Variants in SLC6A20 observed in about 807,000 individuals in gnomAD.
SLC6A20 encodes the protein sodium- and chloride-dependent transporter XTRP3.
In SLC6A20, 73 loss-of-function variants were observed where a neutral mutation model predicts 64.3. The ratio of observed to expected loss-of-function variants is 1.14; its 90% CI spans 0.94 to 1.38. The LOEUF (loss-of-function observed/expected upper bound fraction) is 1.38, where lower values mean the gene tolerates loss of function less well. SLC6A20 is among the 40% of genes most tolerant of loss of function. The pLI, the probability that SLC6A20 is intolerant of heterozygous loss-of-function variation, is 0.00. For missense variants in SLC6A20, 725 were observed against 772.8 expected (o/e 0.94, Z 0.73); for synonymous variants, 347 against 329.6 (o/e 1.05, Z -0.57).
At chr3:45,768,348 AG>A (rs1699806881) in intron 7 of SLC6A20, among the ~76,000 whole-genome samples, 1 of 152,194 alleles carries the variant, frequency 6.6e-6, no homozygotes, top group African/African-American at 2.4e-5. Context: ...ACAAAGCAAC[AG>A]GAAAAATGAA....
rs1234472420 is a variant in SLC6A20 at position 45,771,449 on chromosome 3, G to C, written c.703C>G (p.Leu235Val). ...TTGATCCAGGCCTTGGGGTTGGCCA[G>C]CTGCTCTATCTGGAAGGCCAGCAGG... ...MYMFTPKIEQ[L>V]ANPKAWINAA... The change falls in exon 6 of 11, where the codon CTG becomes GTG. Residue 235 changes from leucine (L) to valine (V), a missense_variant. Coordinates refer to ENST00000358525, the MANE Select transcript of SLC6A20 (RefSeq NM_020208.4). 1 of 1,614,206 alleles carries C rather than the reference G, an allele frequency of 6.2e-7. No homozygotes were observed.
Position 45,758,315 on chromosome 3 carries a change from T to C in SLC6A20, c.*663A>G. 1.6e-6 allele frequency: 1 copy of C among 613,098 alleles called. No homozygotes were observed. The highest frequency in any genetic ancestry group is 7.5e-5 in the East Asian group (1 of 13,288). The allele number at this position is 613,098 out of a possible 1,614,324, so 38.0% of individuals were successfully genotyped here. Reference sequence around the variant, plus strand: ...GGGATGTCTGCACAGACTTCTAATGTGGTTTGGGGTTGCAAACTGTAGTTG... The same window carrying C: ...GGGATGTCTGCACAGACTTCTAATGCGGTTTGGGGTTGCAAACTGTAGTTG... On this transcript the variant is annotated 3_prime_UTR_variant, in exon 11 of 11. Transcript: ENST00000358525.
chr3:45,765,728 G>A lies in SLC6A20; in HGVS notation c.1112C>T (p.Thr371Ile), dbSNP rs1699765934. ...TGTGTAGACGATGAATGCCAGGCCA[G>A]TGCCCTGGACGGCCTGCCCAGGGTG... is the stretch of plus-strand genomic sequence containing the variant. ...ESELDTAVQG[T>I]GLAFIVYTEA... is the part of the protein sequence containing the mutation. The change falls in exon 8 of 11, where the codon ACT (threonine) becomes ATT (isoleucine). Residue 371 changes from threonine to isoleucine, a missense_variant. Coordinates refer to ENST00000358525, the MANE Select transcript of SLC6A20 (RefSeq NM_020208.4). This position sits in a 1 kb window ranked among gnomAD's most constrained non-coding sequence, Gnocchi z 4.2. 8.7e-6 allele frequency: 14 copies of A among 1,614,018 alleles called. No individual in the cohort carries two copies. Among genetic ancestry groups the A allele is most frequent in the Admixed American group, 1.7e-5 (1 of 60,008 alleles).
chr3:45,777,363 C>T (rs1035110669), intron 3 of SLC6A20, among the ~76,000 whole-genome samples: 5 of 152,188 alleles, frequency 3.3e-5, no homozygotes, highest in Non-Finnish European at 1.5e-5. Context: ...AATGTGTGAG[C>T]TGGTTTCTTG....
In SLC6A20 at chr3:45,782,133, T is replaced by TGCCGCATGCGCTGCCCC. The variant is rs1559570291; in HGVS notation, c.195_211dup (p.Gln71ArgfsTer64). 5.6e-6 allele frequency: 9 copies of TGCCGCATGCGCTGCCCC among 1,613,574 alleles called. No homozygotes were observed. The highest frequency in any genetic ancestry group is 1.3e-5 in the African/African-American group (1 of 74,888). On this transcript the variant is annotated frameshift_variant, in exon 2 of 11. Coordinates refer to ENST00000358525, the MANE Select transcript of SLC6A20 (RefSeq NM_020208.4). LOFTEE classifies it high-confidence loss of function. ...GGTCCTCCAGGCGCCGATGCTGCCC[T>TGCCGCATGCGCTGCCCC]GCCGCATGCGCTGCCCCACAGCCAG...
At chr3:45,782,982 A>G (rs1367049523) in intron 1 of SLC6A20, among the ~76,000 whole-genome samples, 1 of 152,228 alleles carries the variant, frequency 6.6e-6, no homozygotes, top group African/African-American at 2.4e-5. Context: ...AATATGTCAG[A>G]CATCATGCCT....
chr3:45,758,365 G>A lies in SLC6A20; in HGVS notation c.*613C>T. 4 of 1,219,746 alleles carry A rather than the reference G, an allele frequency of 3.3e-6. No homozygotes were observed. The South Asian group carries it at 3.9e-5, about 12-fold the overall frequency. 75.6% of individuals were successfully genotyped at this position (1,219,746 alleles called of 1,614,324 possible). Reference sequence around the variant, plus strand: ...GGGGCAATTTTTTGTAGAGAGGTCTGGTCCTGGACCCACCGTCAGAGACCT... The same window carrying A: ...GGGGCAATTTTTTGTAGAGAGGTCTAGTCCTGGACCCACCGTCAGAGACCT... On this transcript the variant is annotated 3_prime_UTR_variant, in exon 11 of 11. Coordinates refer to ENST00000358525, the MANE Select transcript of SLC6A20 (RefSeq NM_020208.4).
intron 3 of SLC6A20, among the ~76,000 whole-genome samples, chr3:45,779,650 C>T (rs1700035508): frequency 1.3e-5 from 2 of 152,182 alleles, no homozygotes; most frequent in African/African-American, 4.8e-5. Flanking sequence ...AATCCCTCCC[C>T]ACCAGTCCTC....
At chr3:45,796,208 C>T (rs1700342780) in intron 1 of SLC6A20, 91 bp downstream of exon 1, 1 of 1,517,542 alleles carries the variant, frequency 6.6e-7, no homozygotes. Flanking sequence ...CCTCAGTGTG[C>T]CGTTCTGTAA....
intron 1 of SLC6A20, among the ~76,000 whole-genome samples, chr3:45,786,547 T>C (rs553817839): frequency 2.0e-5 from 3 of 152,338 alleles, no homozygotes; most frequent in African/African-American, 7.2e-5. Flanking sequence ...CCATTCACGG[T>C]GATGTAGATT....
At chr3:45,761,149 C>T (rs544084941) in intron 9 of SLC6A20, among the ~76,000 whole-genome samples, 4 of 152,248 alleles carry the variant, frequency 2.6e-5, no homozygotes, top group Admixed American at 6.5e-5. Flanking sequence ...GTATGTGACA[C>T]GAAAACCTGG....
chr3:45,767,837 C>A (rs4327428), intron 7 of SLC6A20, among the ~76,000 whole-genome samples: 14,863 of 152,150 alleles, frequency 0.098, 775 homozygotes, highest in Admixed American at 0.12. Flanking sequence ...TCAAGAGCAA[C>A]AATGGAAGCC....
intron 9 of SLC6A20, 89 bp downstream of exon 9, chr3:45,762,824 G>A (rs1174939704): frequency 2.0e-6 from 3 of 1,516,170 alleles, no homozygotes; most frequent in East Asian, 2.3e-5. Flanking sequence ...AGGTGAAGAT[G>A]TGCATCAAGA....
In SLC6A20 at chr3:45,770,274, G is replaced by A. The variant is rs879093147; in HGVS notation, c.1033C>T (p.Pro345Ser). The change falls in exon 7 of 11, where the codon CCA (proline) becomes TCA (serine). Residue 345 changes from proline to serine, a missense_variant. Coordinates refer to ENST00000358525, the MANE Select transcript of SLC6A20 (RefSeq NM_020208.4). ...GGGAACATCTCGCTGTATTTGCTTG[G>A]GTAGGCAGATGCGAGGTAGCCCTTC... ...QVKGYLASAYPSKYSEMFPQI... is the reference protein window; with the variant it reads ...QVKGYLASAYSSKYSEMFPQI... The A allele has an allele frequency of 1.2e-6, 2 of 1,614,176 alleles. No individual in the cohort carries two copies. The highest frequency in any genetic ancestry group is 2.2e-5 in the East Asian group (1 of 44,892).
At chr3:45,766,615 T>C (rs898946496) in intron 7 of SLC6A20, among the ~76,000 whole-genome samples, 2 of 152,200 alleles carry the variant, frequency 1.3e-5, no homozygotes, top group Admixed American at 6.5e-5. Context: ...TATCTGGAGA[T>C]AGGGTCTTTA....
intron 1 of SLC6A20, 23 bp from the exon 2 acceptor site, chr3:45,782,246 G>T (rs1700104955): frequency 1.3e-6 from 2 of 1,599,688 alleles, no homozygotes; most frequent in Non-Finnish European, 1.7e-6. Context: ...AGAGCTGAGA[G>T]CCAGGCCACC....
At chr3:45,779,401 T>G (rs1317181581) in intron 3 of SLC6A20, among the ~76,000 whole-genome samples, 82 of 152,338 alleles carry the variant, frequency 5.4e-4, no homozygotes, top group African/African-American at 1.9e-3. Flanking sequence ...CCCCTTCCAC[T>G]TTTCTACAGA....
intron 9 of SLC6A20, among the ~76,000 whole-genome samples, chr3:45,761,468 C>T (rs1031837652): frequency 2.6e-5 from 4 of 152,100 alleles, no homozygotes; most frequent in South Asian, 2.1e-4. Context: ...TGACCTCCAG[C>T]GGGCCCTAGG....
At chr3:45,780,912 C>A (rs562804655) in intron 2 of SLC6A20, among the ~76,000 whole-genome samples, 1 of 152,190 alleles carries the variant, frequency 6.6e-6, no homozygotes, top group Non-Finnish European at 1.5e-5. Context: ...CACCAGCATC[C>A]CCTGGTTGGC....
Sources: gnomAD v4.1 joint callset for allele counts (sites outside exome capture counted in the v4.1 genomes callset) on GRCh38, gnomAD v4.1.1 for gene constraint, Gnocchi (gnomAD v3.1) non-coding constraint, MANE v1.5 for transcripts, NCBI Gene and HGNC (gene_info 2026-07-23, HGNC 2026-07-21) for gene names.